Variants in TAOK1 observed in about 807,000 individuals in gnomAD.
TAOK1 encodes the protein serine/threonine-protein kinase TAO1.
Under a neutral mutation model 138.3 loss-of-function variants are expected in TAOK1, and 21 were observed. That is an observed-to-expected ratio of 0.15 (90% CI 0.11 to 0.22). The LOEUF (loss-of-function observed/expected upper bound fraction) is 0.22. TAOK1 is among the 10% of genes least tolerant of loss of function. The pLI, the probability that TAOK1 is intolerant of heterozygous loss-of-function variation, is 1.00. For missense variants in TAOK1, 651 were observed against 1,227.7 expected, an observed-to-expected ratio of 0.53 and a Z score of 7.02; for synonymous variants, 361 against 398.4, an observed-to-expected ratio of 0.91 and a Z score of 1.12.
At chr17:29,475,890 G>T (rs559283923) in intron 4 of TAOK1, 119 bp downstream of exon 4, 8 of 739,618 alleles carry the variant, frequency 1.1e-5, no homozygotes, top group Non-Finnish European at 1.6e-5. Flanking sequence ...ATGTTAGTTC[G>T]TACTGAAAGA....
At chr17:29,429,232 A>G (rs1466584765) in intron 1 of TAOK1, among the ~76,000 whole-genome samples, 1 of 152,188 alleles carries the variant, frequency 6.6e-6, no homozygotes, top group Non-Finnish European at 1.5e-5. Context: ...ATGTACAGAA[A>G]AAGTGCAAAG....
At chr17:29,503,192 C>T (rs944348518) in intron 13 of TAOK1, among the ~76,000 whole-genome samples, 2 of 151,648 alleles carry the variant, frequency 1.3e-5, no homozygotes, top group Non-Finnish European at 2.9e-5. Flanking sequence ...GTCAGGAGAT[C>T]GAGACCATCT....
rs955293261 is a variant in TAOK1, at chr17:29,418,220, G to T, written c.-95+27196G>T. Among the ~76,000 whole-genome samples the T allele has an allele frequency of 2.6e-5, 4 of 151,958 alleles. No individual in the cohort carries two copies. The South Asian group carries it at 8.3e-4, about 32-fold the overall frequency. ...TTGTTTCGAGACAGGATCTTGCTCT[G>T]TTGCCGAAGCTAAAGTGCAGTGGTG... is the stretch of plus-strand genomic sequence containing the variant. On this transcript the variant is annotated intron_variant, in intron 1 of 19. Coordinates refer to ENST00000261716, the MANE Select transcript of TAOK1 (RefSeq NM_020791.4).
chr17:29,508,240 A>AATTG, intron 14 of TAOK1, 108 bp downstream of exon 14: 1 of 916,118 alleles, frequency 1.1e-6, no homozygotes, highest in Non-Finnish European at 1.7e-6. Flanking sequence ...AACCAAGCAA[A>AATTG]TTGGGGAAAA....
At position 29,522,543 on chromosome 17, in the gene TAOK1, A is replaced by G. The variant is rs898689205; in HGVS notation, c.2148+24A>G. 1.9e-6 allele frequency: 3 copies of G among 1,612,914 alleles called. No homozygotes were observed. In the South Asian group the frequency reaches 3.3e-5, roughly 18 times the overall value. ...AGGTATGGTTAGCCTAAGCTTTTTGATAACAGGGAGGAGAATGAAAAGGTA... is the reference window on the plus strand; with the variant it reads ...AGGTATGGTTAGCCTAAGCTTTTTGGTAACAGGGAGGAGAATGAAAAGGTA... On this transcript the variant is annotated intron_variant, in intron 17 of 19. Transcript: ENST00000261716.
At chr17:29,527,052 G>A (rs978162323) in intron 17 of TAOK1, among the ~76,000 whole-genome samples, 6 of 152,066 alleles carry the variant, frequency 3.9e-5, no homozygotes, top group African/African-American at 1.2e-4. Flanking sequence ...CTTGAACCAC[G>A]GAGTCGGAGG....
intron 1 of TAOK1, among the ~76,000 whole-genome samples, chr17:29,412,516 T>C (rs1186522947): frequency 6.6e-6 from 1 of 152,168 alleles, no homozygotes; most frequent in Non-Finnish European, 1.5e-5. Context: ...TAAGTTCTTT[T>C]TGGCTCATTT....
chr17:29,533,614 G>T (rs958949287), intron 18 of TAOK1, among the ~76,000 whole-genome samples: 2 of 152,000 alleles, frequency 1.3e-5, no homozygotes, highest in Non-Finnish European at 2.9e-5. Flanking sequence ...GGAGGCTGGC[G>T]GATCACTTGC....
intron 1 of TAOK1, among the ~76,000 whole-genome samples, chr17:29,402,479 A>G (rs1904877502): frequency 6.6e-6 from 1 of 151,802 alleles, no homozygotes; most frequent in African/African-American, 2.4e-5. Context: ...ATTCTTTTGT[A>G]TTTTTTGTAG....
At chr17:29,399,661 ATAGT>A (rs1164779875) in intron 1 of TAOK1, among the ~76,000 whole-genome samples, 3 of 152,182 alleles carry the variant, frequency 2.0e-5, no homozygotes, top group Non-Finnish European at 4.4e-5. Flanking sequence ...TTTGAAAGAA[ATAGT>A]TAGAATATCA....
chr17:29,481,439 C>G (rs2031060559), intron 7 of TAOK1, among the ~76,000 whole-genome samples: 1 of 151,938 alleles, frequency 6.6e-6, no homozygotes, highest in Admixed American at 6.6e-5. Flanking sequence ...ATCTGTCCAC[C>G]TCAGCCTCCC....
rs1255778531 is a variant in TAOK1 at position 29,542,638 on chromosome 17, G to A, written c.2622G>A (p.Glu874=). The A allele has an allele frequency of 1.2e-6, 2 of 1,614,146 alleles. No individual in the cohort carries two copies. The highest frequency in any genetic ancestry group is 2.2e-5 in the South Asian group (2 of 91,092). Reference sequence around the variant, plus strand: ...GCCTGTTGGAACGTCAAGCCAGAGAGATTGAAGCTTTTGACTCTGAAAGCA... The same window carrying A: ...GCCTGTTGGAACGTCAAGCCAGAGAAATTGAAGCTTTTGACTCTGAAAGCA... ...IRSLLERQAR[E]IEAFDSESMR... The change falls in exon 20 of 20, where the codon GAG becomes GAA. Residue 874 remains glutamate (E), a synonymous_variant. Transcript: ENST00000261716.
At chr17:29,456,727 T>C (rs2030386687) in intron 2 of TAOK1, among the ~76,000 whole-genome samples, 1 of 150,536 alleles carries the variant, frequency 6.6e-6, no homozygotes, top group Admixed American at 6.6e-5. Flanking sequence ...TAGTTCTATT[T>C]CTTTTTTTGT....
intron 13 of TAOK1, among the ~76,000 whole-genome samples, chr17:29,507,470 G>A (rs2031649198): frequency 6.6e-6 from 1 of 151,876 alleles, no homozygotes; most frequent in Admixed American, 6.6e-5. Context: ...TTTTTCCTAT[G>A]TAAAGAACCA....
chr17:29,530,380 CA>C (rs1277724031), intron 17 of TAOK1, 26 bp from the exon 18 acceptor site: 1 of 1,598,642 alleles, frequency 6.3e-7, no homozygotes, highest in East Asian at 2.2e-5. Flanking sequence ...TTACAACTTA[CA>C]TAAATGTATT....
chr17:29,398,497 C>T (rs933954349), intron 1 of TAOK1, among the ~76,000 whole-genome samples: 1 of 150,386 alleles, frequency 6.6e-6, no homozygotes, highest in Non-Finnish European at 1.5e-5. Flanking sequence ...TGAACCACTG[C>T]GCCAGGCTTC....
intron 6 of TAOK1, among the ~76,000 whole-genome samples, chr17:29,479,161 CAG>C (rs2031007139): frequency 2.0e-5 from 3 of 147,836 alleles, no homozygotes; most frequent in Admixed American, 2.0e-4. Context: ...AAAAAAAAAA[CAG>C]AAGCTGCTTA....
At chr17:29,425,182 G>C (rs1164485790) in intron 1 of TAOK1, among the ~76,000 whole-genome samples, 2 of 152,156 alleles carry the variant, frequency 1.3e-5, no homozygotes, top group Non-Finnish European at 2.9e-5. Flanking sequence ...GGATTCTCCT[G>C]CCTCAGCTTT....
intron 13 of TAOK1, among the ~76,000 whole-genome samples, chr17:29,503,860 C>T (rs2031577469): frequency 6.6e-6 from 1 of 151,990 alleles, no homozygotes; most frequent in Admixed American, 6.6e-5. Context: ...CCTCTAATCC[C>T]AGCAATTTGG....
Sources: allele counts gnomAD v4.1 joint callset (sites outside exome capture counted in the v4.1 genomes callset), GRCh38; gene constraint gnomAD v4.1.1; transcripts MANE v1.5; gene names NCBI Gene and HGNC (gene_info 2026-07-23, HGNC 2026-07-21).